Variants in STPG2 observed in about 807,000 individuals in gnomAD.
STPG2 encodes the protein sperm-tail PG-rich repeat-containing protein 2.
STPG2 carries 56 observed loss-of-function variants against 54.2 expected under a neutral mutation model. The observed-to-expected ratio is 1.03, with a 90% confidence interval of 0.83 to 1.29. The LOEUF is 1.29. Among genes scored for constraint, STPG2 ranks in the 50% most tolerant of loss-of-function variants. The probability of loss-of-function intolerance (pLI) is 0.00; values close to 1 mark genes in which losing one functional copy is unlikely to be tolerated. For missense variants in STPG2, 596 were observed against 544.9 expected (o/e 1.09, Z -0.93); for synonymous variants, 200 against 181.8 (o/e 1.10, Z -0.81).
chr4:97,781,273 C>A (rs1047425699), intron 9 of STPG2, among the ~76,000 whole-genome samples: 1 of 152,148 alleles, frequency 6.6e-6, no homozygotes, highest in African/African-American at 2.4e-5. Flanking sequence ...CACAGAAATA[C>A]AAACTACCAT....
intron 7 of STPG2, among the ~76,000 whole-genome samples, chr4:97,956,909 A>T (rs1733693988): frequency 6.6e-6 from 1 of 152,108 alleles, no homozygotes; most frequent in Admixed American, 6.5e-5. Context: ...TAATAAGACA[A>T]AATAAGGTTC....
chr4:97,632,135 G>C (rs964699105), intron 10 of STPG2, among the ~76,000 whole-genome samples: 3 of 151,842 alleles, frequency 2.0e-5, no homozygotes, highest in African/African-American at 4.8e-5. Context: ...CTTCAAAAAA[G>C]GTTAAAGTTA....
chr4:97,763,615 A>G (rs1401288163), intron 9 of STPG2, among the ~76,000 whole-genome samples: 1 of 152,098 alleles, frequency 6.6e-6, no homozygotes, highest in Non-Finnish European at 1.5e-5. Context: ...CATTAACAGA[A>G]CACAGCTTCA....
chr4:97,876,735 T>C (rs1432114281), intron 8 of STPG2, among the ~76,000 whole-genome samples: 1 of 152,054 alleles, frequency 6.6e-6, no homozygotes, highest in South Asian at 2.1e-4. Flanking sequence ...ATAAATATCA[T>C]TTTTTCTTGG....
At chr4:98,006,068 T>C (rs1438262128) in intron 5 of STPG2, among the ~76,000 whole-genome samples, 2 of 152,214 alleles carry the variant, frequency 1.3e-5, no homozygotes, top group Non-Finnish European at 2.9e-5. Flanking sequence ...TCTTCCAAGA[T>C]GGCAGATTAG....
At chr4:97,699,814 G>A (rs1723705846) in intron 10 of STPG2, among the ~76,000 whole-genome samples, 1 of 152,192 alleles carries the variant, frequency 6.6e-6, no homozygotes, top group South Asian at 2.1e-4. Context: ...GCAGGCTGGA[G>A]GAGACGAGGC....
At chr4:97,947,310 C>T (rs937509905) in intron 7 of STPG2, among the ~76,000 whole-genome samples, 10 of 152,070 alleles carry the variant, frequency 6.6e-5, no homozygotes, top group Admixed American at 6.6e-5. Flanking sequence ...TTTGAGAAAT[C>T]TCTAGGGTTT....
At chr4:97,595,885 A>G (rs1733276306) in intron 10 of STPG2, among the ~76,000 whole-genome samples, 1 of 152,200 alleles carries the variant, frequency 6.6e-6, no homozygotes, top group African/African-American at 2.4e-5. Flanking sequence ...ACTAGCTAAC[A>G]ACATGATCAC....
At chr4:97,678,450 T>C (rs959816587) in intron 10 of STPG2, among the ~76,000 whole-genome samples, 8 of 152,130 alleles carry the variant, frequency 5.3e-5, no homozygotes, top group African/African-American at 1.7e-4. Flanking sequence ...GTCTTCTTTT[T>C]TAAAAAGGTA....
At chr4:97,553,573 G>T (rs1732013397) in intron 4 of STPG2, among the ~76,000 whole-genome samples, 1 of 151,896 alleles carries the variant, frequency 6.6e-6, no homozygotes, top group Non-Finnish European at 1.5e-5. Context: ...TTATGTTTTA[G>T]GTAAAAAAAA....
At chr4:98,128,237 G>A (rs1295250416) in intron 3 of STPG2, among the ~76,000 whole-genome samples, 191 bp downstream of exon 3, 3 of 152,196 alleles carry the variant, frequency 2.0e-5, no homozygotes, top group Non-Finnish European at 4.4e-5. Context: ...ATGTCCATGT[G>A]AATGAGGAAA....
intron 5 of STPG2, among the ~76,000 whole-genome samples, chr4:97,992,945 T>C (rs1013857701): frequency 1.3e-5 from 2 of 152,216 alleles, no homozygotes; most frequent in South Asian, 4.1e-4. Flanking sequence ...TCCTGAAACT[T>C]TGCTGAATTC....
chr4:97,507,633 T>C (rs925921388), intron 4 of STPG2, among the ~76,000 whole-genome samples: 7 of 151,978 alleles, frequency 4.6e-5, no homozygotes, highest in Admixed American at 3.9e-4. Flanking sequence ...CTCTTACCAA[T>C]TGGCTATGAA....
chr4:97,541,655 A>G (rs1245777524), intron 4 of STPG2, among the ~76,000 whole-genome samples: 1 of 152,208 alleles, frequency 6.6e-6, no homozygotes, highest in Non-Finnish European at 1.5e-5. Flanking sequence ...AAGAGCCTGC[A>G]TTGCCAAGTC....
intron 4 of STPG2, among the ~76,000 whole-genome samples, chr4:97,482,260 T>A (rs1002639048): frequency 1.3e-5 from 2 of 151,594 alleles, no homozygotes; most frequent in Non-Finnish European, 1.5e-5. Context: ...GTTTTGGATC[T>A]ACGTTAAAAA....
At chr4:97,891,911 CT>C (rs1478735735) in intron 8 of STPG2, among the ~76,000 whole-genome samples, 1 of 151,940 alleles carries the variant, frequency 6.6e-6, no homozygotes, top group Non-Finnish European at 1.5e-5. Flanking sequence ...TTATGTCTAC[CT>C]TTTTCAGTAA....
At chr4:98,094,443 C>A (rs1165053842) in intron 5 of STPG2, among the ~76,000 whole-genome samples, 1 of 152,148 alleles carries the variant, frequency 6.6e-6, no homozygotes, top group Admixed American at 6.5e-5. Flanking sequence ...GTGGTGGCTA[C>A]AGTGAAAGAC....
chr4:97,867,757 G>A (rs1312201017), intron 8 of STPG2, among the ~76,000 whole-genome samples: 2 of 151,990 alleles, frequency 1.3e-5, no homozygotes, highest in Non-Finnish European at 2.9e-5. Context: ...ACCTTAACAT[G>A]TGGTTGATTC....
intron 10 of STPG2, among the ~76,000 whole-genome samples, chr4:97,694,659 A>C (rs1157576659): frequency 6.6e-6 from 1 of 151,306 alleles, no homozygotes; most frequent in Non-Finnish European, 1.5e-5. Context: ...AAAAAATACA[A>C]AAAGTTAGCT....
Sources: gnomAD v4.1 joint callset for allele counts (sites outside exome capture counted in the v4.1 genomes callset) on GRCh38, gnomAD v4.1.1 for gene constraint, MANE v1.5 for transcripts, NCBI Gene and HGNC (gene_info 2026-07-23, HGNC 2026-07-21) for gene names.